The following FAM227A variants were observed in gnomAD, a reference collection of about 807,000 sequenced individuals.
The protein encoded by FAM227A is family with sequence similarity 227 member A.
In FAM227A, 80 loss-of-function variants were observed where a neutral mutation model predicts 74.7. The observed-to-expected ratio is 1.07, with a 90% CI of 0.89 to 1.29. The LOEUF (loss-of-function observed/expected upper bound fraction) is 1.29. FAM227A is among the 50% of genes most tolerant of loss of function. The probability of loss-of-function intolerance (pLI) is 0.00; values close to 1 mark genes in which losing one functional copy is unlikely to be tolerated. For synonymous variants in FAM227A, 237 were observed against 241.8 expected, an observed-to-expected ratio of 0.98 and a Z score of 0.19; for missense variants, 654 against 683.4, an observed-to-expected ratio of 0.96 and a Z score of 0.48.
At position 38,628,931 on chromosome 22, in the gene FAM227A, A is replaced by C; in HGVS notation, c.524T>G (p.Phe175Cys). The C allele has an allele frequency of 6.7e-7, 1 of 1,487,648 alleles. No individual in the cohort carries two copies. The highest frequency in any genetic ancestry group is 9.0e-7 in the Non-Finnish European group (1 of 1,105,700). 92.2% of individuals were successfully genotyped at this position (1,487,648 alleles called of 1,614,324 possible). Residue 175 changes from phenylalanine (F) to cysteine (C), a missense_variant, in exon 7 of 17, where the codon TTC becomes TGC. Coordinates refer to ENST00000535113, the MANE Select transcript of FAM227A (RefSeq NM_001013647.2). ...AERDCLSGKH[F>C]CSGRELEKFL... ...CTTCTCTAATTCTCTACCTGAACAG[A>C]AATGCTTGGAAAAAAAAATTCACAG...
Position 38,596,161 on chromosome 22 carries a change from A to G in FAM227A, c.1532+1043T>C, listed in dbSNP as rs553038214. Among the ~76,000 whole-genome samples, 11 of 152,206 alleles carry G rather than the reference A, an allele frequency of 7.2e-5. 1 individual carries two copies. The highest frequency in any genetic ancestry group is 7.2e-4 in the Admixed American group (11 of 15,276). On this transcript the variant is annotated intron_variant, in intron 15 of 16. Coordinates refer to ENST00000535113, the MANE Select transcript of FAM227A (RefSeq NM_001013647.2). ...CATGGTGAATCCCCTTCTCTACTAAAAACACAAAAATTAGCCGGGCATGGT... is the reference window on the plus strand; with the variant it reads ...CATGGTGAATCCCCTTCTCTACTAAGAACACAAAAATTAGCCGGGCATGGT...
At chr22:38,589,898 C>T (rs957062489) in intron 16 of FAM227A, among the ~76,000 whole-genome samples, 4 of 151,914 alleles carry the variant, frequency 2.6e-5, no homozygotes, top group Non-Finnish European at 4.4e-5. Context: ...CTCGGGAGTT[C>T]GAGACCAGCC....
Position 38,646,248 on chromosome 22 carries a change from C to CTTTTTT in FAM227A, c.143-609_143-604dup, listed in dbSNP as rs1165890437. 7.5e-3 allele frequency among the ~76,000 whole-genome samples: 620 copies of CTTTTTT among 82,396 alleles called. 64 individuals carry two copies. Among genetic ancestry groups the CTTTTTT allele is most frequent in the African/African-American group, 0.021 (407 of 19,022 alleles). The allele number at this position is 82,396 out of a possible 152,430, so 54.1% of individuals were successfully genotyped here. ...CTTGGGAATTTTCCTTCCAGTATTT[C>CTTTTTT]TTTTTTTTTTTTTTTTTTTTTTTTT... On this transcript the variant is annotated intron_variant, in intron 2 of 16. Transcript: ENST00000535113.
intron 11 of FAM227A, among the ~76,000 whole-genome samples, chr22:38,617,587 A>T (rs2050712114): frequency 6.6e-6 from 1 of 151,962 alleles, no homozygotes; most frequent in Non-Finnish European, 1.5e-5. Flanking sequence ...GAGCCTCCAC[A>T]CCCGGCCGGA....
chr22:38,599,681 G>A, intron 14 of FAM227A, 83 bp downstream of exon 14: 1 of 1,348,614 alleles, frequency 7.4e-7, no homozygotes. Context: ...TAAGGCCTGG[G>A]TGCCATTCCC....
At chr22:38,630,843 G>A (rs1052029258) in intron 6 of FAM227A, among the ~76,000 whole-genome samples, 3 of 152,156 alleles carry the variant, frequency 2.0e-5, no homozygotes, top group African/African-American at 7.2e-5. Context: ...TCTCATCTGC[G>A]CTTCAGGTCT....
At chr22:38,590,951 A>T (rs1385072844) in intron 16 of FAM227A, among the ~76,000 whole-genome samples, 1 of 151,922 alleles carries the variant, frequency 6.6e-6, no homozygotes, top group Non-Finnish European at 1.5e-5. Context: ...TGCCCAGCTA[A>T]TTTTTGTATT....
At chr22:38,613,587 T>C (rs1447902075) in intron 11 of FAM227A, among the ~76,000 whole-genome samples, 1 of 149,360 alleles carries the variant, frequency 6.7e-6, no homozygotes, top group East Asian at 2.0e-4. Flanking sequence ...ACGGGGAAGG[T>C]GTGTACAACT....
At position 38,652,384 on chromosome 22, in the gene FAM227A, C is replaced by T. The variant is rs573723759; in HGVS notation, c.-94-2122G>A. On this transcript the variant is annotated intron_variant, in intron 1 of 16. Transcript: ENST00000535113. ...CAGGCAGATCATGAGGTCAGGAGAT[C>T]GAGACCATCTGGCTAACATGGTGAA... Among the ~76,000 whole-genome samples, 870 of 151,722 alleles carry T rather than the reference C, an allele frequency of 5.7e-3. 4 individuals are homozygous for T. Among genetic ancestry groups the T allele is most frequent in the Non-Finnish European group, 9.8e-3 (666 of 67,916 alleles).
intron 15 of FAM227A, among the ~76,000 whole-genome samples, chr22:38,594,251 C>G (rs971050584): frequency 6.6e-6 from 1 of 152,090 alleles, no homozygotes; most frequent in Non-Finnish European, 1.5e-5. Flanking sequence ...CCTTTGTCCC[C>G]TTGGCTTTAT....
Position 38,582,047 on chromosome 22 carries a change from C to A in FAM227A, c.*4078G>T. 1 of 287,464 alleles carries A rather than the reference C, an allele frequency of 3.5e-6. No homozygotes were observed. Among genetic ancestry groups the A allele is most frequent in the Non-Finnish European group, 6.5e-6 (1 of 154,216 alleles). 17.8% of individuals were successfully genotyped at this position (287,464 alleles called of 1,614,324 possible). ...TGTGAGCCACCATGCCTGGCCTGTT[C>A]GTTTTTTAACAAAGCTTTATCGAAG... On this transcript the variant is annotated 3_prime_UTR_variant, in exon 17 of 17. Transcript: ENST00000535113.
chr22:38,601,191 T>A (rs1412753863), intron 13 of FAM227A, among the ~76,000 whole-genome samples: 1 of 151,996 alleles, frequency 6.6e-6, no homozygotes, highest in Non-Finnish European at 1.5e-5. Context: ...TAACATGATA[T>A]GATGAATACT....
intron 11 of FAM227A, among the ~76,000 whole-genome samples, chr22:38,609,361 G>T (rs1011436266): frequency 6.6e-6 from 1 of 152,182 alleles, no homozygotes; most frequent in Non-Finnish European, 1.5e-5. Flanking sequence ...TGTTTTCACA[G>T]GTGAAGGGGA....
chr22:38,597,677 T>C (rs973313199), intron 14 of FAM227A, among the ~76,000 whole-genome samples: 2 of 152,214 alleles, frequency 1.3e-5, no homozygotes, highest in Non-Finnish European at 2.9e-5. Context: ...ATTCTTATTC[T>C]ATTATCACAG....
intron 15 of FAM227A, 51 bp from the exon 16 acceptor site, chr22:38,591,591 G>A (rs1569187033): frequency 7.7e-7 from 1 of 1,292,264 alleles, no homozygotes; most frequent in East Asian, 2.6e-5. Flanking sequence ...TGATTAACAT[G>A]TCCTCAATGT....
At chr22:38,606,492 T>C (rs1334288848) in intron 12 of FAM227A, among the ~76,000 whole-genome samples, 1 of 152,180 alleles carries the variant, frequency 6.6e-6, no homozygotes, top group African/African-American at 2.4e-5. Context: ...TGCCTTGCTT[T>C]GTCTTTCCTG....
intron 11 of FAM227A, among the ~76,000 whole-genome samples, chr22:38,614,169 G>A (rs1335493230): frequency 6.6e-6 from 1 of 152,158 alleles, no homozygotes; most frequent in East Asian, 1.9e-4. Context: ...GGGGAGCTGG[G>A]AAAGGGGGAC....
intron 1 of FAM227A, among the ~76,000 whole-genome samples, chr22:38,651,046 C>T (rs966138573): frequency 3.9e-5 from 6 of 152,172 alleles, no homozygotes; most frequent in Non-Finnish European, 7.3e-5. Flanking sequence ...CAGGCCTTTG[C>T]TCCATCTTCT....
At chr22:38,596,355 T>C (rs1207428253) in intron 15 of FAM227A, among the ~76,000 whole-genome samples, 1 of 152,012 alleles carries the variant, frequency 6.6e-6, no homozygotes, top group Non-Finnish European at 1.5e-5. Context: ...TTGTGATTCT[T>C]GATTGGATCC....
Sources: gnomAD v4.1 joint callset for allele counts (sites outside exome capture counted in the v4.1 genomes callset) on GRCh38, gnomAD v4.1.1 for gene constraint, MANE v1.5 for transcripts, NCBI Gene and HGNC (gene_info 2026-07-23, HGNC 2026-07-21) for gene names.